SEPTIN14: variants seen among roughly 807,000 people sequenced by gnomAD.
SEPTIN14 encodes septin 14, also known as septin-14.
SEPTIN14 carries 40 observed loss-of-function variants against 53.6 expected under a neutral mutation model. That is an observed-to-expected ratio of 0.75 (90% CI 0.58 to 0.97). The LOEUF (loss-of-function observed/expected upper bound fraction) is 0.97, where lower values mean the gene tolerates loss of function less well. Ranked by LOEUF, SEPTIN14 falls within the 50% of genes least tolerant of loss-of-function variation. SEPTIN14 has a pLI of 0.00. For synonymous variants in SEPTIN14, 138 were observed against 166.8 expected, an observed-to-expected ratio of 0.83 and a Z score of 1.33; for missense variants, 471 against 508.2, an observed-to-expected ratio of 0.93 and a Z score of 0.70.
At chr7:55,839,339 A>G (rs1407688248) in intron 5 of SEPTIN14, among the ~76,000 whole-genome samples, 1 of 150,114 alleles carries the variant, frequency 6.7e-6, no homozygotes, top group Non-Finnish European at 1.5e-5. Context: ...CAGTGAGCCG[A>G]GATTGTGCCA....
chr7:55,807,120 G>A lies in SEPTIN14; in HGVS notation c.956C>T (p.Thr319Ile), dbSNP rs767408552. 1.9e-6 allele frequency: 3 copies of A among 1,602,556 alleles called. No individual in the cohort carries two copies. The highest frequency in any genetic ancestry group is 1.8e-5 in the Admixed American group (1 of 57,010). Residue 319 changes from threonine (T) to isoleucine (I), a missense_variant, in exon 8 of 10, where the codon ACA becomes ATA. By Grantham distance (89) the Thr-to-Ile change is moderately conservative. Coordinates refer to ENST00000388975, the MANE Select transcript of SEPTIN14 (RefSeq NM_207366.3). ...RYQKLQKMGF[T>I]DVGPNNQPVS... is the part of the protein sequence containing the mutation. ...TGGCTGGTTGTTTGGACCCACATCT[G>A]TAAAGCCCATTTTCTGCAGTTTTTG... is the stretch of plus-strand genomic sequence containing the variant.
chr7:55,825,962 C>T (rs1390438280), intron 6 of SEPTIN14, among the ~76,000 whole-genome samples: 2 of 152,026 alleles, frequency 1.3e-5, no homozygotes, highest in East Asian at 1.9e-4. Context: ...ATTAGCTGGG[C>T]GTGGTGGCAG....
chr7:55,860,068 A>G (rs1789717420), intron 2 of SEPTIN14, among the ~76,000 whole-genome samples: 1 of 151,540 alleles, frequency 6.6e-6, no homozygotes, highest in African/African-American at 2.4e-5. Flanking sequence ...AATCCCAGCT[A>G]CTTGGGAGGC....
intron 9 of SEPTIN14, among the ~76,000 whole-genome samples, chr7:55,800,044 A>G (rs185419655): frequency 2.0e-5 from 3 of 152,320 alleles, no homozygotes; most frequent in East Asian, 3.9e-4. Context: ...TCTTTTTATC[A>G]TAATAGTATA....
chr7:55,813,014 A>G (rs1351645202), intron 7 of SEPTIN14, among the ~76,000 whole-genome samples: 1 of 151,772 alleles, frequency 6.6e-6, no homozygotes, highest in Non-Finnish European at 1.5e-5. Flanking sequence ...CAGTGGCGCA[A>G]TCTCGGCTTA....
intron 7 of SEPTIN14, among the ~76,000 whole-genome samples, chr7:55,815,415 C>T (rs775728712): frequency 1.3e-5 from 2 of 152,080 alleles, no homozygotes; most frequent in African/African-American, 2.4e-5. Flanking sequence ...GAAGCTCAAA[C>T]AACTCAATAG....
chr7:55,821,704 A>G (rs1788898970), intron 6 of SEPTIN14, among the ~76,000 whole-genome samples: 1 of 152,218 alleles, frequency 6.6e-6, no homozygotes, highest in Non-Finnish European at 1.5e-5. Flanking sequence ...TCTCTCAGCT[A>G]CTGTGGATAA....
intron 7 of SEPTIN14, among the ~76,000 whole-genome samples, chr7:55,817,501 C>T (rs1043507129): frequency 1.9e-4 from 29 of 149,010 alleles, no homozygotes; most frequent in African/African-American, 6.4e-4. Context: ...AAAGGAGTCT[C>T]GCTCTGTTGC....
intron 6 of SEPTIN14, among the ~76,000 whole-genome samples, 161 bp from the exon 7 acceptor site, chr7:55,819,384 T>A (rs1788853101): frequency 1.3e-5 from 2 of 152,094 alleles, no homozygotes; most frequent in South Asian, 4.2e-4. Flanking sequence ...GGTCAGGAGA[T>A]CGAGACCATC....
intron 7 of SEPTIN14, among the ~76,000 whole-genome samples, chr7:55,817,996 T>C (rs1291741066): frequency 6.6e-6 from 1 of 152,126 alleles, no homozygotes; most frequent in Non-Finnish European, 1.5e-5. Flanking sequence ...GTCCAGAAGA[T>C]TGACCACAAT....
At chr7:55,813,203 G>A (rs1450077556) in intron 7 of SEPTIN14, among the ~76,000 whole-genome samples, 3 of 152,100 alleles carry the variant, frequency 2.0e-5, no homozygotes, top group African/African-American at 7.2e-5. Flanking sequence ...ACCCGCCTTG[G>A]CCTCCTAAAG....
intron 3 of SEPTIN14, among the ~76,000 whole-genome samples, chr7:55,845,845 C>T (rs1436660506): frequency 1.4e-5 from 2 of 147,474 alleles, no homozygotes; most frequent in Non-Finnish European, 1.5e-5. Flanking sequence ...GTCAGGAGAT[C>T]GAGACCATCC....
At chr7:55,830,349 A>ATATATATATATATTTT (rs71015108) in intron 6 of SEPTIN14, among the ~76,000 whole-genome samples, 1 of 56,846 alleles carries the variant, frequency 1.8e-5, no homozygotes, top group Non-Finnish European at 2.8e-5. Flanking sequence ...ATATATATAT[A>ATATATATATATATTTT]TTTTTTTTTT....
At chr7:55,805,532 AT>A (rs753726161) in intron 8 of SEPTIN14, 142 bp from the exon 9 acceptor site, 195 of 569,688 alleles carry the variant, frequency 3.4e-4, no homozygotes, top group Non-Finnish European at 5.4e-4. Context: ...TCATAAAAAA[AT>A]AAAATAAAAT....
chr7:55,806,100 G>A lies in SEPTIN14; in HGVS notation c.987-710C>T, dbSNP rs979740266. On this transcript the variant is annotated intron_variant, in intron 8 of 9. Coordinates refer to ENST00000388975, the MANE Select transcript of SEPTIN14 (RefSeq NM_207366.3). ...CAATCTCTGCTGCCCAGGTTCAAGC[G>A]ATTCTCCTGCCTCAGCCTCCCGAGT... 5.9e-5 allele frequency among the ~76,000 whole-genome samples: 9 copies of A among 152,032 alleles called. No individual in the cohort carries two copies. The South Asian group carries it at 1.0e-3, about 18-fold the overall frequency.
intron 2 of SEPTIN14, among the ~76,000 whole-genome samples, chr7:55,853,466 C>A (rs947573997): frequency 6.6e-6 from 1 of 152,062 alleles, no homozygotes; most frequent in Admixed American, 6.6e-5. Flanking sequence ...CTTGTGGGAG[C>A]TAAAAATTAA....
intron 5 of SEPTIN14, among the ~76,000 whole-genome samples, chr7:55,836,486 C>A (rs1789208350): frequency 6.6e-6 from 1 of 152,178 alleles, no homozygotes; most frequent in Non-Finnish European, 1.5e-5. Flanking sequence ...CGCCTGTAAT[C>A]CCAGCACTTT....
chr7:55,809,442 A>G (rs2115970169), intron 7 of SEPTIN14, among the ~76,000 whole-genome samples: 1 of 147,216 alleles, frequency 6.8e-6, no homozygotes, highest in South Asian at 2.1e-4. Context: ...TGCAACCTGC[A>G]CTTCCTGGGT....
At chr7:55,826,663 A>G (rs917454731) in intron 6 of SEPTIN14, among the ~76,000 whole-genome samples, 4 of 151,940 alleles carry the variant, frequency 2.6e-5, no homozygotes, top group Non-Finnish European at 4.4e-5. Context: ...CCAATGTGAT[A>G]TAGGGTGCCT....
Sources: gnomAD v4.1 joint callset for allele counts (sites outside exome capture counted in the v4.1 genomes callset) on GRCh38, gnomAD v4.1.1 for gene constraint, MANE v1.5 for transcripts, NCBI Gene and HGNC (gene_info 2026-07-23, HGNC 2026-07-21) for gene names.